Variants in PRRG4 observed in about 807,000 individuals in gnomAD.
The protein encoded by PRRG4 is transmembrane gamma-carboxyglutamic acid protein 4.
PRRG4 carries 12 observed loss-of-function variants against 20.0 expected under a neutral mutation model. The observed-to-expected ratio is 0.60, with a 90% CI of 0.38 to 0.97. PRRG4 has a LOEUF of 0.97. Ranked by LOEUF, PRRG4 falls within the 50% of genes least tolerant of loss-of-function variation. The pLI, the probability that PRRG4 is intolerant of heterozygous loss-of-function variation, is 0.00. For synonymous variants in PRRG4, 94 were observed against 96.4 expected (o/e 0.98, Z 0.15); for missense variants, 199 against 265.1 (o/e 0.75, Z 1.73).
rs972534602 is a variant in PRRG4 at position 32,853,590 on chromosome 11, G to T, written c.*63G>T. The T allele has an allele frequency of 2.3e-6, 3 of 1,317,628 alleles. No individual in the cohort carries two copies. Among genetic ancestry groups the T allele is most frequent in the Non-Finnish European group, 3.2e-6 (3 of 929,794 alleles). The allele number at this position is 1,317,628 out of a possible 1,614,324, so 81.6% of individuals were successfully genotyped here. On this transcript the variant is annotated 3_prime_UTR_variant, in exon 6 of 6. Coordinates refer to ENST00000257836, the MANE Select transcript of PRRG4 (RefSeq NM_024081.6). Reference sequence around the variant, plus strand: ...TGATAGGCCGGGCATGGTGGCTCATGCCTGTAATCCCAGCACTTTGGGAGG... The same window carrying T: ...TGATAGGCCGGGCATGGTGGCTCATTCCTGTAATCCCAGCACTTTGGGAGG...
At chr11:32,852,217 C>A (rs897648844) in intron 5 of PRRG4, among the ~76,000 whole-genome samples, 4 of 152,114 alleles carry the variant, frequency 2.6e-5, no homozygotes, top group Admixed American at 2.6e-4. Context: ...ACTGCCCATG[C>A]AGGGGAGTGT....
intron 5 of PRRG4, among the ~76,000 whole-genome samples, chr11:32,841,766 C>T (rs181024642): frequency 4.0e-4 from 61 of 152,196 alleles, no homozygotes; most frequent in Admixed American, 3.7e-3. Flanking sequence ...GCCATAATTG[C>T]ACCACTGCAC....
At chr11:32,849,275 G>C (rs1174734278) in intron 5 of PRRG4, among the ~76,000 whole-genome samples, 2 of 152,072 alleles carry the variant, frequency 1.3e-5, no homozygotes, top group Non-Finnish European at 2.9e-5. Context: ...TGCGAGAATT[G>C]ATTGAGCCGG....
intron 5 of PRRG4, among the ~76,000 whole-genome samples, chr11:32,848,025 G>C (rs958805809): frequency 1.7e-4 from 26 of 152,302 alleles, no homozygotes; most frequent in Admixed American, 1.2e-3. Flanking sequence ...TATTTGTGCT[G>C]CTATAGCAGA....
chr11:32,841,980 A>C (rs1414584073), intron 5 of PRRG4, among the ~76,000 whole-genome samples: 2 of 152,222 alleles, frequency 1.3e-5, no homozygotes, highest in African/African-American at 4.8e-5. Flanking sequence ...ACAACATGGC[A>C]TCAAAAATTA....
At chr11:32,839,347 T>C (rs72899239) in intron 4 of PRRG4, among the ~76,000 whole-genome samples, 14 of 152,322 alleles carry the variant, frequency 9.2e-5, no homozygotes, top group Non-Finnish European at 1.3e-4. Flanking sequence ...GGGAGATCTT[T>C]ATCTCATCTG....
In PRRG4 at chr11:32,857,548, G is replaced by A. The variant is rs531499528; in HGVS notation, c.*4021G>A. On this transcript the variant is annotated 3_prime_UTR_variant, in exon 6 of 6. Transcript: ENST00000257836. The stretch of plus-strand genomic sequence containing the variant: ...GAGCAACAGTGTCCTCCATGTCTTA[G>A]GTTTCAAGTTTGCCTCTAAAATTCT... 3.9e-5 allele frequency: 6 copies of A among 152,246 alleles called. No homozygotes were observed. Among genetic ancestry groups the A allele is most frequent in the African/African-American group, 1.4e-4 (6 of 41,548 alleles). The allele number at this position is 152,246 out of a possible 1,614,324, so 9.4% of individuals were successfully genotyped here.
intron 4 of PRRG4, 27 bp downstream of exon 4, chr11:32,838,957 T>C: frequency 6.5e-7 from 1 of 1,540,274 alleles, no homozygotes; most frequent in Non-Finnish European, 9.0e-7. Context: ...TCAAATTTAA[T>C]GCTTTTCTCA....
chr11:32,830,366 G>C, intron 1 of PRRG4, 142 bp from the exon 2 acceptor site: 1 of 844,198 alleles, frequency 1.2e-6, no homozygotes. Context: ...GGCGCGCGTC[G>C]GGTTCCGGCG....
chr11:32,850,121 A>G (rs1851168449), intron 5 of PRRG4, among the ~76,000 whole-genome samples: 1 of 152,180 alleles, frequency 6.6e-6, no homozygotes, highest in South Asian at 2.1e-4. Context: ...CACCTCATTC[A>G]CAATGTTTTT....
chr11:32,846,783 A>T (rs1851134756), intron 5 of PRRG4, among the ~76,000 whole-genome samples: 2 of 152,132 alleles, frequency 1.3e-5, no homozygotes, highest in Admixed American at 1.3e-4. Context: ...GCGGATCACG[A>T]GGTCAAGAGA....
intron 3 of PRRG4, among the ~76,000 whole-genome samples, chr11:32,837,969 A>G (rs538525432): frequency 1.3e-5 from 2 of 152,210 alleles, no homozygotes; most frequent in South Asian, 4.2e-4. Flanking sequence ...CTTCCCTACA[A>G]GTATTTGCTG....
rs1291205614 is a variant in PRRG4 at position 32,856,446 on chromosome 11, T to C, written c.*2919T>C. ...AACTGTTATTGACAAATGCTTATAA[T>C]GATTGAAGGGAAAGTATCTCAACAT... On this transcript the variant is annotated 3_prime_UTR_variant, in exon 6 of 6. Transcript: ENST00000257836. 1 of 152,210 alleles carries C rather than the reference T, an allele frequency of 6.6e-6. No individual in the cohort carries two copies. The highest frequency in any genetic ancestry group is 1.5e-5 in the Non-Finnish European group (1 of 68,038). The allele number at this position is 152,210 out of a possible 1,614,324, so 9.4% of individuals were successfully genotyped here.
chr11:32,838,530 A>G (rs1354778273), intron 3 of PRRG4, among the ~76,000 whole-genome samples: 1 of 152,068 alleles, frequency 6.6e-6, no homozygotes. Context: ...TTCAATCATG[A>G]TAGTGGGTCC....
At chr11:32,853,213 ATAGT>A (rs1032013127) in intron 5 of PRRG4, 79 bp from the exon 6 acceptor site, 19 of 885,328 alleles carry the variant, frequency 2.1e-5, no homozygotes, top group East Asian at 1.2e-4. Flanking sequence ...GTTTATTAAG[ATAGT>A]TGGTTGGATT....
intron 5 of PRRG4, among the ~76,000 whole-genome samples, chr11:32,844,090 C>T (rs1851104766): frequency 6.6e-6 from 1 of 152,208 alleles, no homozygotes. Context: ...GGTGTATTCT[C>T]CCTATCCTAG....
At position 32,830,617 on chromosome 11, in the gene PRRG4, C is replaced by T. The variant is rs373808023; in HGVS notation, c.88C>T (p.His30Tyr). 3 of 1,613,776 alleles carry T rather than the reference C, an allele frequency of 1.9e-6. No homozygotes were observed. The African/African-American group carries it at 4.0e-5, about 22-fold the overall frequency. The change falls in exon 2 of 6, where the codon CAT becomes TAT. Residue 30 changes from histidine (H) to tyrosine (Y), a missense_variant. Transcript: ENST00000257836. Reference sequence around the variant, plus strand: ...CGCAAGAGGTCCAAAGGCTTCTAAGCATGCGGGAGAAGAAGGTAAGCACTA... The same window carrying T: ...CGCAAGAGGTCCAAAGGCTTCTAAGTATGCGGGAGAAGAAGGTAAGCACTA... ...HCARGPKASKHAGEEVFTSKE... is the reference protein window; with the variant it reads ...HCARGPKASKYAGEEVFTSKE...
chr11:32,834,428 C>A (rs1851001469), intron 2 of PRRG4, among the ~76,000 whole-genome samples: 1 of 152,108 alleles, frequency 6.6e-6, no homozygotes, highest in African/African-American at 2.4e-5. Context: ...CCTCTATCTA[C>A]CTTTTAGAAT....
chr11:32,845,097 AAAAAATAAAAAT>A (rs745491497), intron 5 of PRRG4, among the ~76,000 whole-genome samples: 3 of 152,134 alleles, frequency 2.0e-5, no homozygotes, highest in African/African-American at 7.2e-5. Context: ...GATCTTGTAA[AAAAAATAAAAAT>A]AAAAATAAAA....
Sources: gnomAD v4.1 joint callset for allele counts (sites outside exome capture counted in the v4.1 genomes callset) on GRCh38, gnomAD v4.1.1 for gene constraint, MANE v1.5 for transcripts, NCBI Gene and HGNC (gene_info 2026-07-23, HGNC 2026-07-21) for gene names.